PPP3CA: variants seen among roughly 807,000 people sequenced by gnomAD.
PPP3CA encodes the protein protein phosphatase 3 catalytic subunit alpha, also known as CAM-PRP catalytic subunit.
Under a neutral mutation model 66.5 loss-of-function variants are expected in PPP3CA, and 14 were observed. The observed-to-expected ratio is 0.21, with a 90% confidence interval of 0.14 to 0.33. PPP3CA has a LOEUF of 0.33. Among genes scored for constraint, PPP3CA ranks in the 10% least tolerant of loss-of-function variants. The probability of loss-of-function intolerance (pLI) is 1.00; values close to 1 mark genes in which losing one functional copy is unlikely to be tolerated. For missense variants in PPP3CA, 317 were observed against 639.5 expected (o/e 0.50, Z 5.44); for synonymous variants, 232 against 226.2 (o/e 1.03, Z -0.23).
At chr4:101,116,756 T>C (rs1189800304) in intron 2 of PPP3CA, among the ~76,000 whole-genome samples, 1 of 151,922 alleles carries the variant, frequency 6.6e-6, no homozygotes, top group Non-Finnish European at 1.5e-5. Flanking sequence ...CGTTCTAATT[T>C]ACTAAAGAGG....
At chr4:101,067,575 G>A (rs1360097319) in intron 8 of PPP3CA, among the ~76,000 whole-genome samples, 1 of 142,910 alleles carries the variant, frequency 7.0e-6, no homozygotes, top group African/African-American at 2.6e-5. Context: ...ATAAGAACAT[G>A]AAAACATTTC....
intron 1 of PPP3CA, among the ~76,000 whole-genome samples, chr4:101,296,966 T>G (rs922414379): frequency 3.3e-5 from 5 of 152,180 alleles, no homozygotes; most frequent in African/African-American, 9.7e-5. Context: ...AACATGTATT[T>G]AAAACACCAA....
At chr4:101,106,450 A>AAAGAAGAGAAGAGAAGAGAAGAGAAGAG (rs751759518) in intron 3 of PPP3CA, among the ~76,000 whole-genome samples, 1 of 11,094 alleles carries the variant, frequency 9.0e-5, no homozygotes, top group Non-Finnish European at 1.7e-4. Context: ...AGAAAGAAAG[A>AAAGAAGAGAAGAGAAGAGAAGAGAAGAG]AAGAGAAAAG....
chr4:101,033,397 A>T (rs2110206415), intron 11 of PPP3CA, among the ~76,000 whole-genome samples: 1 of 152,224 alleles, frequency 6.6e-6, no homozygotes, highest in Admixed American at 6.5e-5. Context: ...CGTGACTCAA[A>T]CAGAATTCCT....
At chr4:101,092,429 T>A (rs1047087764) in intron 6 of PPP3CA, among the ~76,000 whole-genome samples, 1 of 96,342 alleles carries the variant, frequency 1.0e-5, no homozygotes, top group Non-Finnish European at 2.1e-5. Flanking sequence ...TTTGGTACAG[T>A]TTTTTTTTTT....
intron 2 of PPP3CA, among the ~76,000 whole-genome samples, chr4:101,169,653 G>A (rs1723808206): frequency 6.6e-6 from 1 of 152,106 alleles, no homozygotes. Context: ...AGTTCTATAG[G>A]TGAATATGTT....
intron 10 of PPP3CA, among the ~76,000 whole-genome samples, chr4:101,052,670 C>T (rs1047971342): frequency 6.6e-6 from 1 of 151,794 alleles, no homozygotes; most frequent in African/African-American, 2.4e-5. Context: ...TTTTACACAT[C>T]TTTCTTTCCC....
chr4:101,241,331 CTAAGA>C (rs1183033173), intron 1 of PPP3CA, among the ~76,000 whole-genome samples: 1 of 152,002 alleles, frequency 6.6e-6, no homozygotes, highest in African/African-American at 2.4e-5. Context: ...GGAAAGCCAC[CTAAGA>C]TAATATGTGG....
chr4:101,279,338 T>G (rs1442349181), intron 1 of PPP3CA, among the ~76,000 whole-genome samples: 1 of 152,046 alleles, frequency 6.6e-6, no homozygotes, highest in Non-Finnish European at 1.5e-5. Context: ...ATCTAAGGAA[T>G]GACATTTAGA....
At chr4:101,248,370 A>G (rs1292056752) in intron 1 of PPP3CA, among the ~76,000 whole-genome samples, 2 of 152,222 alleles carry the variant, frequency 1.3e-5, no homozygotes, top group Non-Finnish European at 2.9e-5. Context: ...CATGCAATAC[A>G]TAACTGCTCT....
At chr4:101,282,147 A>G (rs1326259873) in intron 1 of PPP3CA, among the ~76,000 whole-genome samples, 1 of 152,222 alleles carries the variant, frequency 6.6e-6, no homozygotes, top group African/African-American at 2.4e-5. Flanking sequence ...ATCCACTACC[A>G]AAATCATTTT....
intron 2 of PPP3CA, among the ~76,000 whole-genome samples, chr4:101,184,088 T>C (rs541814341): frequency 2.0e-4 from 31 of 152,278 alleles, no homozygotes; most frequent in African/African-American, 7.0e-4. Flanking sequence ...TTTTATGTCC[T>C]TTGACTCAAC....
At position 101,333,024 on chromosome 4, in the gene PPP3CA, C is replaced by T. The variant is rs940836494; in HGVS notation, c.58+13715G>A. ...TGAGCCCTCTTCCACCTTCAAAAGTCTATGATTCTATCTCATATACCCTGC... is the reference window on the plus strand; with the variant it reads ...TGAGCCCTCTTCCACCTTCAAAAGTTTATGATTCTATCTCATATACCCTGC... On this transcript the variant is annotated intron_variant, in intron 1 of 13. Transcript: ENST00000394854. Among the ~76,000 whole-genome samples, 3 of 151,858 alleles carry T rather than the reference C, an allele frequency of 2.0e-5. No individual in the cohort carries two copies. The East Asian group carries it at 5.8e-4, about 29-fold the overall frequency.
intron 2 of PPP3CA, among the ~76,000 whole-genome samples, chr4:101,192,815 A>G (rs1724651523): frequency 6.6e-6 from 1 of 152,042 alleles, no homozygotes; most frequent in Non-Finnish European, 1.5e-5. Context: ...TTATCTCTTT[A>G]TGTGTCTGAC....
At chr4:101,106,444 AGAAAGAAAG>A (rs1178540185) in intron 3 of PPP3CA, among the ~76,000 whole-genome samples, 954 of 13,134 alleles carry the variant, frequency 0.073, 189 homozygotes, top group South Asian at 0.35. Context: ...AAAGAAAGAA[AGAAAGAAAG>A]AGAAAAGAAA....
At chr4:101,279,108 A>ATGT (rs1727601837) in intron 1 of PPP3CA, among the ~76,000 whole-genome samples, 1 of 152,208 alleles carries the variant, frequency 6.6e-6, no homozygotes, top group African/African-American at 2.4e-5. Flanking sequence ...AGTTAGGACA[A>ATGT]TGTTCTAAAG....
In PPP3CA at chr4:101,155,075, A is replaced by G. The variant is rs1723274151; in HGVS notation, c.259+40841T>C. Among the ~76,000 whole-genome samples the G allele has an allele frequency of 3.9e-5, 6 of 152,160 alleles. No individual in the cohort carries two copies. In the South Asian group the frequency reaches 1.2e-3, roughly 32 times the overall value. On this transcript the variant is annotated intron_variant, in intron 2 of 13. Transcript: ENST00000394854. ...CATGATCTGCCCGCCTCGGCCTCCCAAAGTGCTGGGATTACGGGCGTGAGC... is the reference window on the plus strand; with the variant it reads ...CATGATCTGCCCGCCTCGGCCTCCCGAAGTGCTGGGATTACGGGCGTGAGC...
chr4:101,306,440 G>A (rs1359131925), intron 1 of PPP3CA, among the ~76,000 whole-genome samples: 1 of 152,110 alleles, frequency 6.6e-6, no homozygotes. Context: ...CTCAATTGCA[G>A]CCAAGAGAAG....
rs543087749 is a variant in PPP3CA at position 101,112,354 on chromosome 4, A to G, written c.260-3276T>C. 5.3e-5 allele frequency among the ~76,000 whole-genome samples: 8 copies of G among 152,298 alleles called. No homozygotes were observed. In the East Asian group the frequency reaches 1.5e-3, roughly 29 times the overall value. ...TAAGAGATAATCTCAATGATTTACAATATCACTGCAATAATTGGATTTTGG... is the reference window on the plus strand; with the variant it reads ...TAAGAGATAATCTCAATGATTTACAGTATCACTGCAATAATTGGATTTTGG... On this transcript the variant is annotated intron_variant, in intron 2 of 13. Transcript: ENST00000394854.
Sources: allele counts gnomAD v4.1 joint callset (sites outside exome capture counted in the v4.1 genomes callset), GRCh38; gene constraint gnomAD v4.1.1; transcripts MANE v1.5; gene names NCBI Gene and HGNC (gene_info 2026-07-23, HGNC 2026-07-21).